LRFN5: variants seen among roughly 807,000 people sequenced by gnomAD.
The protein encoded by LRFN5 is leucine rich repeat and fibronectin type III domain containing 5, also known as leucine-rich repeat and fibronectin type-III domain-containing protein 5.
LRFN5 carries 24 observed loss-of-function variants against 45.6 expected under a neutral mutation model. The ratio of observed to expected loss-of-function variants is 0.53; its 90% CI spans 0.38 to 0.74. The LOEUF (loss-of-function observed/expected upper bound fraction) is 0.74. Among genes scored for constraint, LRFN5 ranks in the 30% least tolerant of loss-of-function variants. LRFN5 has a pLI of 0.00. For synonymous variants in LRFN5, 340 were observed against 313.8 expected (o/e 1.08, Z -0.88); for missense variants, 776 against 861.5 (o/e 0.90, Z 1.24).
chr14:41,646,366 A>C (rs1879819999), intron 1 of LRFN5, among the ~76,000 whole-genome samples: 2 of 152,158 alleles, frequency 1.3e-5, no homozygotes, highest in Non-Finnish European at 2.9e-5. Flanking sequence ...TATTCCTATA[A>C]AAATAATTTC....
chr14:41,709,423 A>T (rs1883196709), intron 1 of LRFN5, among the ~76,000 whole-genome samples: 1 of 152,012 alleles, frequency 6.6e-6, no homozygotes, highest in African/African-American at 2.4e-5. Context: ...CTAGAACTTG[A>T]AATCACTTCT....
intron 2 of LRFN5, among the ~76,000 whole-genome samples, chr14:41,784,872 G>C (rs1886662940): frequency 6.6e-6 from 1 of 152,088 alleles, no homozygotes; most frequent in Non-Finnish European, 1.5e-5. Context: ...CAGGTGATCT[G>C]TCAGCCTCAT....
chr14:41,841,817 G>T (rs1470326931), intron 2 of LRFN5, among the ~76,000 whole-genome samples: 3 of 150,958 alleles, frequency 2.0e-5, no homozygotes, highest in Non-Finnish European at 4.4e-5. Context: ...TTGTTTTGTG[G>T]GTTAGTTTTT....
intron 2 of LRFN5, among the ~76,000 whole-genome samples, chr14:41,826,086 A>T (rs1231179984): frequency 2.0e-5 from 3 of 152,132 alleles, no homozygotes; most frequent in African/African-American, 7.2e-5. Context: ...CTTTCTGAGA[A>T]CTGGCCTCAG....
At chr14:41,650,267 A>ACACACACACAC (rs1555351106) in intron 1 of LRFN5, among the ~76,000 whole-genome samples, 28 of 121,806 alleles carry the variant, frequency 2.3e-4, no homozygotes, top group African/African-American at 4.9e-4. Context: ...ACACACACAC[A>ACACACACACAC]AAAAAAAAAA....
chr14:41,809,340 G>A (rs1887659766), intron 2 of LRFN5, among the ~76,000 whole-genome samples: 1 of 151,866 alleles, frequency 6.6e-6, no homozygotes, highest in Non-Finnish European at 1.5e-5. Flanking sequence ...TTGATTATTT[G>A]TATTATATCT....
chr14:41,636,830 A>G (rs1879329230), intron 1 of LRFN5, among the ~76,000 whole-genome samples: 1 of 152,138 alleles, frequency 6.6e-6, no homozygotes, highest in South Asian at 2.1e-4. Context: ...TCAAGGTTCA[A>G]AAAAGCTTAC....
intron 1 of LRFN5, among the ~76,000 whole-genome samples, chr14:41,740,558 T>C (rs1884647817): frequency 6.6e-6 from 1 of 151,950 alleles, no homozygotes; most frequent in African/African-American, 2.4e-5. Context: ...TACCTGAACA[T>C]AATAAAATAC....
chr14:41,706,107 TG>T (rs1230323188), intron 1 of LRFN5, among the ~76,000 whole-genome samples: 10 of 152,072 alleles, frequency 6.6e-5, no homozygotes, highest in African/African-American at 2.2e-4. Context: ...CTTTTTTTTT[TG>T]TTTTTTTTTG....
At chr14:41,632,939 C>T (rs1260554340) in intron 1 of LRFN5, among the ~76,000 whole-genome samples, 1 of 152,106 alleles carries the variant, frequency 6.6e-6, no homozygotes, top group East Asian at 1.9e-4. Context: ...ATTGATACCC[C>T]ATTTATATGA....
At chr14:41,854,321 T>C (rs1566485024) in intron 2 of LRFN5, among the ~76,000 whole-genome samples, 1 of 141,704 alleles carries the variant, frequency 7.1e-6, no homozygotes. Context: ...GGCTGCATAG[T>C]ATTCCATGGT....
chr14:41,700,382 A>C (rs1200301507), intron 1 of LRFN5: 3 of 152,158 alleles, frequency 2.0e-5, no homozygotes, highest in Non-Finnish European at 4.4e-5. Flanking sequence ...AAAATATCTG[A>C]AACTTTGGGT....
At chr14:41,815,999 T>C (rs1383749173) in intron 2 of LRFN5, among the ~76,000 whole-genome samples, 1 of 152,050 alleles carries the variant, frequency 6.6e-6, no homozygotes. Context: ...TTCTCTAGAG[T>C]GTGCGATATA....
intron 1 of LRFN5, among the ~76,000 whole-genome samples, chr14:41,645,152 G>A (rs1879755972): frequency 6.6e-6 from 1 of 152,184 alleles, no homozygotes. Flanking sequence ...TGGTTGAGGG[G>A]ATTAAAAGAG....
chr14:41,772,159 A>G (rs1166584666), intron 2 of LRFN5, among the ~76,000 whole-genome samples: 1 of 152,156 alleles, frequency 6.6e-6, no homozygotes, highest in Non-Finnish European at 1.5e-5. Context: ...CAGATCTTGC[A>G]TGAACTGAGT....
At chr14:41,706,328 G>A (rs907380473) in intron 1 of LRFN5, among the ~76,000 whole-genome samples, 15 of 152,220 alleles carry the variant, frequency 9.9e-5, no homozygotes, top group Middle Eastern at 3.4e-3. Context: ...TTGAACTCCC[G>A]ACCTCGGGTG....
rs778473468 is a variant in LRFN5, at chr14:41,904,172, C to T, written c.2157C>T (p.Ile719=). 1.9e-6 allele frequency: 3 copies of T among 1,605,692 alleles called. No individual in the cohort carries two copies. Among genetic ancestry groups the T allele is most frequent in the Non-Finnish European group, 2.5e-6 (3 of 1,177,054 alleles). Residue 719 remains isoleucine, a synonymous_variant, in exon 6 of 6, where the codon ATC becomes ATT. Transcript: ENST00000298119. ...TTTCATTTCAGAGGCTGGAGTTAAT[C>T]TGAAGAGCACCACTTCTCCTCTCTC... The part of the protein sequence containing the change: ...IVQETQRLEL[I]
At chr14:41,894,673 T>C in intron 4 of LRFN5, 1 of 985,262 alleles carries the variant, frequency 1.0e-6, no homozygotes, top group Non-Finnish European at 1.2e-6. Context: ...AAGGTGGGAA[T>C]GATATTACCT....
intron 1 of LRFN5, among the ~76,000 whole-genome samples, chr14:41,626,383 T>G (rs535408303): frequency 6.6e-6 from 1 of 152,252 alleles, no homozygotes; most frequent in African/African-American, 2.4e-5. Context: ...ATGTAATTTG[T>G]ACTATATACA....
Sources: gnomAD v4.1 joint callset for allele counts (sites outside exome capture counted in the v4.1 genomes callset) on GRCh38, gnomAD v4.1.1 for gene constraint, MANE v1.5 for transcripts, NCBI Gene and HGNC (gene_info 2026-07-23, HGNC 2026-07-21) for gene names.